Variants in SAFB2 observed in about 807,000 individuals in gnomAD.
SAFB2 encodes scaffold attachment factor B2.
Under a neutral mutation model 100.6 loss-of-function variants are expected in SAFB2, and 32 were observed. The observed-to-expected ratio is 0.32, with a 90% CI of 0.24 to 0.43. The LOEUF is 0.43. SAFB2 is among the 20% of genes least tolerant of loss of function. The pLI is 1.00. For synonymous variants in SAFB2, 500 were observed against 439.4 expected (o/e 1.14, Z -1.72); for missense variants, 1,185 against 1,163.4 (o/e 1.02, Z -0.27).
chr19:5,622,709 C>T lies in SAFB2; in HGVS notation c.7G>A (p.Glu3Lys). ...GAGTCGCCCGACCCGGGCAGAGTCTCCGCCATCGTCGCGTTCCCGTCTTCG... is the reference window on the plus strand; with the variant it reads ...GAGTCGCCCGACCCGGGCAGAGTCTTCGCCATCGTCGCGTTCCCGTCTTCG... MA[E>K]TLPGSGDSGP... is the part of the protein sequence containing the mutation. The change falls in exon 1 of 21, where the codon GAG (glutamate) becomes AAG (lysine). Residue 3 changes from glutamate (E) to lysine (K), a missense_variant. Physicochemically the swap from Glu to Lys is moderately conservative, Grantham distance 56. Coordinates refer to ENST00000252542, the MANE Select transcript of SAFB2 (RefSeq NM_014649.3). The T allele has an allele frequency of 2.5e-6, 4 of 1,601,166 alleles. No homozygotes were observed. The highest frequency in any genetic ancestry group is 1.1e-5 in the South Asian group (1 of 90,354).
At chr19:5,610,283 C>T in intron 8 of SAFB2, 188 bp from the exon 9 acceptor site, 2 of 603,930 alleles carry the variant, frequency 3.3e-6, no homozygotes, top group Non-Finnish European at 5.9e-6. Flanking sequence ...AACTGAGTTT[C>T]CTTACTCAAG....
chr19:5,604,750 T>G, intron 10 of SAFB2, 37 bp downstream of exon 10: 1 of 1,613,774 alleles, frequency 6.2e-7, no homozygotes, highest in Non-Finnish European at 8.5e-7. Flanking sequence ...ACTTGCAAAC[T>G]CCATTTGCGA....
At chr19:5,613,604 TTG>T in intron 4 of SAFB2, 77 bp from the exon 5 acceptor site, 1 of 1,570,076 alleles carries the variant, frequency 6.4e-7, no homozygotes, top group Non-Finnish European at 8.7e-7. Context: ...CTTAGGCAAC[TTG>T]TGTGTCTATT....
intron 6 of SAFB2, 121 bp downstream of exon 6, chr19:5,612,419 T>G: frequency 2.2e-6 from 2 of 892,242 alleles, no homozygotes; most frequent in Non-Finnish European, 3.7e-6. Context: ...CCTTGTATGA[T>G]CTGGATTGTC....
chr19:5,598,772 G>A (rs2052588609), intron 13 of SAFB2, 21 bp downstream of exon 13: 1 of 1,605,118 alleles, frequency 6.2e-7, no homozygotes, highest in Non-Finnish European at 8.5e-7. Flanking sequence ...CTGGCCCTGA[G>A]ATGGCAGAGG....
At chr19:5,593,500 C>G (rs534302169) in intron 15 of SAFB2, 1 of 198,120 alleles carries the variant, frequency 5.0e-6, no homozygotes, top group Admixed American at 5.9e-5. Context: ...CTCTGCCTCT[C>G]TGTCTACAAG....
chr19:5,621,017 T>C (rs1372666318), intron 2 of SAFB2, among the ~76,000 whole-genome samples: 3 of 152,188 alleles, frequency 2.0e-5, no homozygotes, highest in Non-Finnish European at 2.9e-5. Flanking sequence ...CTCAGACCCG[T>C]AGAAGTAGCT....
Position 5,590,734 on chromosome 19 carries a change from G to A in SAFB2, c.2395-326C>T, listed in dbSNP as rs563541924. 2.4e-4 allele frequency among the ~76,000 whole-genome samples: 37 copies of A among 152,272 alleles called. No homozygotes were observed. In the South Asian group the frequency reaches 3.1e-3, roughly 13 times the overall value. On this transcript the variant is annotated intron_variant, in intron 17 of 20. Transcript: ENST00000252542. ...TGTCTTCCCTGAGAAGTTGGGCGCC[G>A]CCTCCTTTCCGATAACAGGAGGGCC...
At chr19:5,616,386 G>A (rs761075205) in intron 3 of SAFB2, 36 bp downstream of exon 3, 13 of 1,613,906 alleles carry the variant, frequency 8.1e-6, no homozygotes, top group Non-Finnish European at 1.1e-5. Flanking sequence ...AGGACAGGGA[G>A]CTGCTGCTTG....
rs1458436742 is a variant in SAFB2 at position 5,598,634 on chromosome 19, T to G, written c.1782+159A>C. ...ACTGCTCTGCAGAAAGCACCAGGAT[T>G]CATGTGTGTGTCTGTATCCGCAATC... On this transcript the variant is annotated intron_variant, in intron 13 of 20. Transcript: ENST00000252542. 7.9e-5 allele frequency: 51 copies of G among 649,182 alleles called. No individual in the cohort carries two copies. In the Admixed American group the frequency reaches 1.2e-3, roughly 15 times the overall value. The allele number at this position is 649,182 out of a possible 1,614,324, so 40.2% of individuals were successfully genotyped here.
At chr19:5,616,030 G>T in intron 4 of SAFB2, 102 bp downstream of exon 4, 2 of 1,049,532 alleles carry the variant, frequency 1.9e-6, no homozygotes, top group Non-Finnish European at 2.9e-6. Flanking sequence ...AGAACTGTGT[G>T]TTCATGGCGG....
rs982014186 is a variant in SAFB2, at chr19:5,615,399, A to G, written c.543+733T>C. On this transcript the variant is annotated intron_variant, in intron 4 of 20. Transcript: ENST00000252542. ...AAACACAACATTAGGAGGAATATCT[A>G]CATGATGAGATTAGAAACCATTTTT... Among the ~76,000 whole-genome samples the G allele has an allele frequency of 7.2e-5, 11 of 151,870 alleles. No homozygotes were observed. The East Asian group carries it at 2.1e-3, about 30-fold the overall frequency.
intron 17 of SAFB2, among the ~76,000 whole-genome samples, chr19:5,590,915 CA>C (rs1237971324): frequency 2.0e-5 from 3 of 152,218 alleles, no homozygotes; most frequent in East Asian, 3.9e-4. Context: ...ACCTCTCCAC[CA>C]GGCTGCTGCT....
chr19:5,594,151 TTGCTCCCGCTCCCGC>T lies in SAFB2; in HGVS notation c.1932_1946del (p.Glu646_Arg650del), dbSNP rs1568210037. The T allele has an allele frequency of 1.3e-6, 2 of 1,599,050 alleles. No individual in the cohort carries two copies. Among genetic ancestry groups the T allele is most frequent in the South Asian group, 1.1e-5 (1 of 90,576 alleles). On this transcript the variant is annotated inframe_deletion, in exon 15 of 21. Coordinates refer to ENST00000252542, the MANE Select transcript of SAFB2 (RefSeq NM_014649.3). ...TCCGCTCATGGAAGGCCTCGAGGCG[TTGCTCCCGCTCCCGC>T]TGCTCGCGCTCCCTGCGGGGACAGG...
intron 4 of SAFB2, among the ~76,000 whole-genome samples, chr19:5,614,987 G>A (rs1239700380): frequency 6.6e-6 from 1 of 152,206 alleles, no homozygotes; most frequent in African/African-American, 2.4e-5. Context: ...GAGGCAGGCA[G>A]ATCACTTGAG....
intron 12 of SAFB2, among the ~76,000 whole-genome samples, chr19:5,599,773 G>GA (rs3214206): frequency 0.7 from 105,722 of 151,914 alleles, 37,133 homozygotes; most frequent in East Asian, 0.88. Context: ...CATAATGTGG[G>GA]AAAACTTTAC....
At chr19:5,600,381 A>G in intron 11 of SAFB2, 121 bp from the exon 12 acceptor site, 1 of 1,321,250 alleles carries the variant, frequency 7.6e-7, no homozygotes, top group Non-Finnish European at 1.0e-6. Flanking sequence ...CCCGGCAGCA[A>G]TTAGGTGGGA....
chr19:5,606,029 A>G (rs1476561323), intron 9 of SAFB2, among the ~76,000 whole-genome samples: 1 of 150,768 alleles, frequency 6.6e-6, no homozygotes, highest in Non-Finnish European at 1.5e-5. Context: ...ACCCATAAGG[A>G]GCAGAGGGAA....
chr19:5,588,082 C>A, intron 18 of SAFB2, 102 bp from the exon 19 acceptor site: 1 of 1,004,380 alleles, frequency 1.0e-6, no homozygotes, highest in South Asian at 1.7e-5. Flanking sequence ...TGGGTCATGC[C>A]ACACAACAAG....
Sources: gnomAD v4.1 joint callset for allele counts (sites outside exome capture counted in the v4.1 genomes callset) on GRCh38, gnomAD v4.1.1 for gene constraint, MANE v1.5 for transcripts, NCBI Gene and HGNC (gene_info 2026-07-23, HGNC 2026-07-21) for gene names.